Variants in AHDC1 observed in about 807,000 individuals in gnomAD.
AHDC1 encodes the protein AT-hook DNA binding motif containing 1.
AHDC1 carries 7 observed loss-of-function variants against 87.9 expected under a neutral mutation model. That is an observed-to-expected ratio of 0.08 (90% CI 0.05 to 0.15). The LOEUF (loss-of-function observed/expected upper bound fraction) is 0.15, where lower values mean the gene tolerates loss of function less well. AHDC1 is among the 10% of genes least tolerant of loss of function. The pLI, the probability that AHDC1 is intolerant of heterozygous loss-of-function variation, is 1.00. For missense variants in AHDC1, 1,841 were observed against 2,253.2 expected, an observed-to-expected ratio of 0.82 and a Z score of 3.70; for synonymous variants, 1,051 against 1,006.8, an observed-to-expected ratio of 1.04 and a Z score of -0.83.
At chr1:27,599,670 A>G (rs1269661018) in intron 3 of AHDC1, among the ~76,000 whole-genome samples, 1 of 152,058 alleles carries the variant, frequency 6.6e-6, no homozygotes, top group African/African-American at 2.4e-5. Context: ...CTGGGACCCT[A>G]ATGTTTCCCG....
chr1:27,588,916 CAA>C (rs1472145861), intron 3 of AHDC1, among the ~76,000 whole-genome samples: 3 of 151,996 alleles, frequency 2.0e-5, no homozygotes, highest in Non-Finnish European at 2.9e-5. Flanking sequence ...TTGAGAAAGA[CAA>C]GAGGGAACAC....
intron 8 of AHDC1, among the ~76,000 whole-genome samples, chr1:27,545,550 T>C (rs2148242597): frequency 6.6e-6 from 1 of 151,622 alleles, no homozygotes; most frequent in East Asian, 2.0e-4. Flanking sequence ...TTTTGGATTA[T>C]TTCACATTTC....
intron 8 of AHDC1, among the ~76,000 whole-genome samples, chr1:27,541,959 G>A (rs902436119): frequency 1.3e-5 from 2 of 152,214 alleles, no homozygotes; most frequent in African/African-American, 4.8e-5. Flanking sequence ...CCTGTAAAAG[G>A]CTGCAAGCCC....
At chr1:27,577,623 G>GC (rs1397359289) in intron 3 of AHDC1, among the ~76,000 whole-genome samples, 16 of 152,130 alleles carry the variant, frequency 1.1e-4, no homozygotes, top group Admixed American at 6.6e-5. Flanking sequence ...AGACTGGCAG[G>GC]CCCCCCACTC....
In AHDC1 at chr1:27,577,205, G is replaced by A. The variant is rs563367505; in HGVS notation, c.-628-18322C>T. Among the ~76,000 whole-genome samples the A allele has an allele frequency of 4.6e-5, 7 of 152,330 alleles. No individual in the cohort carries two copies. The East Asian group carries it at 9.6e-4, about 21-fold the overall frequency. On this transcript the variant is annotated intron_variant, in intron 3 of 8. Coordinates refer to ENST00000673934, the MANE Select transcript of AHDC1 (RefSeq NM_001371928.1). ...GACACAGTCATCCCTCCTGAGACCC[G>A]GGGATAGGATCATAAATGAGGAAAG...
At chr1:27,579,699 C>CA (rs2088856684) in intron 3 of AHDC1, among the ~76,000 whole-genome samples, 2 of 152,186 alleles carry the variant, frequency 1.3e-5, no homozygotes, top group Non-Finnish European at 2.9e-5. Context: ...TTTTATAATT[C>CA]AAGTTTGATT....
chr1:27,551,540 C>G lies in AHDC1; in HGVS notation c.576G>C (p.Arg192=), dbSNP rs1164338129. 1 of 1,604,986 alleles carries G rather than the reference C, an allele frequency of 6.2e-7. No homozygotes were observed. Among genetic ancestry groups the G allele is most frequent in the Non-Finnish European group, 8.5e-7 (1 of 1,175,108 alleles). The change falls in exon 8 of 9, where the codon CGG becomes CGC. Residue 192 remains arginine, a synonymous_variant. Coordinates refer to ENST00000673934, the MANE Select transcript of AHDC1 (RefSeq NM_001371928.1). ...ERATPHAKSE[R]PSHPLYEPEP... ...CAGGCTCGTAGAGGGGATGGCTGGG[C>G]CGCTCCGACTTGGCGTGTGGGGTGG... is the stretch of plus-strand genomic sequence containing the variant.
Position 27,558,067 on chromosome 1 carries a change from G to A in AHDC1, c.-225+238C>T, listed in dbSNP as rs1366976987. Among the ~76,000 whole-genome samples, 2 of 152,176 alleles carry A rather than the reference G, an allele frequency of 1.3e-5. No homozygotes were observed. Among genetic ancestry groups the A allele is most frequent in the East Asian group, 3.8e-4 (2 of 5,204 alleles). On this transcript the variant is annotated intron_variant, in intron 5 of 8. Coordinates refer to ENST00000673934, the MANE Select transcript of AHDC1 (RefSeq NM_001371928.1). This position sits in a 1 kb window ranked among gnomAD's most constrained non-coding sequence, Gnocchi z 5.6. The stretch of plus-strand genomic sequence containing the variant: ...GAATGCTCCTTTGGAAGTAGGGTGG[G>A]GTCCCCAGGCAGGCTCAGCTCTAGG...
At chr1:27,601,136 T>C (rs1162205271) in intron 3 of AHDC1, among the ~76,000 whole-genome samples, 1 of 152,210 alleles carries the variant, frequency 6.6e-6, no homozygotes, top group Admixed American at 6.5e-5. Flanking sequence ...ATAGATCACA[T>C]TAAAAACTCA....
intron 8 of AHDC1, among the ~76,000 whole-genome samples, chr1:27,538,133 G>C (rs534209410): frequency 2.2e-4 from 34 of 152,198 alleles, no homozygotes; most frequent in African/African-American, 7.7e-4. Flanking sequence ...CGGGCAGGGT[G>C]ACTCACGCCT....
chr1:27,543,785 A>C (rs867633424), intron 8 of AHDC1, among the ~76,000 whole-genome samples: 14 of 152,216 alleles, frequency 9.2e-5, no homozygotes, highest in African/African-American at 2.2e-4. Flanking sequence ...TCTACTAAAA[A>C]TACAAAAAAG....
intron 8 of AHDC1, among the ~76,000 whole-genome samples, chr1:27,542,332 A>G (rs976123520): frequency 3.3e-5 from 5 of 152,182 alleles, no homozygotes; most frequent in East Asian, 1.9e-4. Flanking sequence ...ACTAGGTGCT[A>G]TCACAAAGCC....
intron 3 of AHDC1, among the ~76,000 whole-genome samples, chr1:27,570,823 C>A (rs1466658754): frequency 6.6e-6 from 1 of 152,136 alleles, no homozygotes; most frequent in Non-Finnish European, 1.5e-5. Context: ...AGCCCCTTGC[C>A]CCAGCTTCTT....
Position 27,575,403 on chromosome 1 carries a change from AG to A in AHDC1, c.-628-16521del, listed in dbSNP as rs1321142735. Among the ~76,000 whole-genome samples, 4 of 151,952 alleles carry A rather than the reference AG, an allele frequency of 2.6e-5. No individual in the cohort carries two copies. In the East Asian group the frequency reaches 5.8e-4, roughly 22 times the overall value. ...GGACCCCCGCCAGACCCGAAAAGAG[AG>A]GCCGAGGAGGCGAGGGGTGCTCTCT... On this transcript the variant is annotated intron_variant, in intron 3 of 8. Coordinates refer to ENST00000673934, the MANE Select transcript of AHDC1 (RefSeq NM_001371928.1).
chr1:27,579,570 A>G (rs2088853012), intron 3 of AHDC1, among the ~76,000 whole-genome samples: 1 of 151,884 alleles, frequency 6.6e-6, no homozygotes, highest in African/African-American at 2.4e-5. Context: ...CCAGCCTGAC[A>G]TGTCAACATT....
At chr1:27,535,026 G>GC (rs1460237792) in intron 8 of AHDC1, 110 bp from the exon 9 acceptor site, 3 of 152,200 alleles carry the variant, frequency 2.0e-5, no homozygotes, top group African/African-American at 7.2e-5. Context: ...CCAGGATTCA[G>GC]CAGGGTGAGG....
At chr1:27,539,594 C>T (rs1269335609) in intron 8 of AHDC1, among the ~76,000 whole-genome samples, 1 of 151,842 alleles carries the variant, frequency 6.6e-6, no homozygotes, top group Non-Finnish European at 1.5e-5. Flanking sequence ...TACAGGTGTG[C>T]GCCACCATGC....
At position 27,549,268 on chromosome 1, in the gene AHDC1, G is replaced by C. The variant is rs758014017; in HGVS notation, c.2848C>G (p.Pro950Ala). Residue 950 changes from proline to alanine, a missense_variant, in exon 8 of 9, where the codon CCG (proline) becomes GCG (alanine). This residue lies in a region of AHDC1 where 378 missense variants were observed against 399.0 expected (regional missense o/e 0.95). Transcript: ENST00000673934. Reference protein sequence around the residue: ...AAETFPKLVPPPSAMARSPTT... With the variant: ...AAETFPKLVPAPSAMARSPTT... ...GGTGAGCGGGCCATGGCTGAGGGCG[G>C]GGGCACCAGCTTGGGGAAGGTCTCG... 1.9e-6 allele frequency: 3 copies of C among 1,603,984 alleles called. No individual in the cohort carries two copies. Among genetic ancestry groups the C allele is most frequent in the South Asian group, 2.2e-5 (2 of 90,162 alleles).
Position 27,562,866 on chromosome 1 carries a change from G to A in AHDC1, c.-628-3983C>T, listed in dbSNP as rs144507796. ...GCCACTCCCCACAACAGCCTGCGAC[G>A]GGCACATGGTGACATCTCACACACA... On this transcript the variant is annotated intron_variant, in intron 3 of 8. Coordinates refer to ENST00000673934, the MANE Select transcript of AHDC1 (RefSeq NM_001371928.1). The surrounding 1 kb of genome is among the most constrained non-coding windows in gnomAD (Gnocchi z 4.4). 1.1e-4 allele frequency among the ~76,000 whole-genome samples: 16 copies of A among 152,244 alleles called. No individual in the cohort carries two copies. The highest frequency in any genetic ancestry group is 2.6e-4 in the African/African-American group (11 of 41,514).
Sources: allele counts gnomAD v4.1 joint callset (sites outside exome capture counted in the v4.1 genomes callset), GRCh38; gene constraint gnomAD v4.1.1; regional missense constraint gnomAD v4.1.1; non-coding constraint Gnocchi (gnomAD v3.1); transcripts MANE v1.5; gene names NCBI Gene and HGNC (gene_info 2026-07-23, HGNC 2026-07-21).